Variants in SLIT3 observed in about 807,000 individuals in gnomAD.
The protein encoded by SLIT3 is slit guidance ligand 3, also known as slit homolog 3 protein.
In SLIT3, 68 loss-of-function variants were observed where a neutral mutation model predicts 184.0. That is an observed-to-expected ratio of 0.37 (90% confidence interval 0.30 to 0.45). SLIT3 has a LOEUF of 0.45. Among genes scored for constraint, SLIT3 ranks in the 20% least tolerant of loss-of-function variants. SLIT3 has a pLI of 1.00. For missense variants in SLIT3, 1,707 were observed against 2,026.0 expected, an observed-to-expected ratio of 0.84 and a Z score of 3.02; for synonymous variants, 831 against 828.6, an observed-to-expected ratio of 1.00 and a Z score of -0.05.
At chr5:168,879,160 T>C (rs1468243832) in intron 5 of SLIT3, among the ~76,000 whole-genome samples, 2 of 152,254 alleles carry the variant, frequency 1.3e-5, no homozygotes, top group Non-Finnish European at 2.9e-5. Context: ...CAACTGGTTG[T>C]CATTTTACAT....
chr5:168,806,887 G>C (rs1014012543), intron 8 of SLIT3, among the ~76,000 whole-genome samples: 11 of 152,116 alleles, frequency 7.2e-5, no homozygotes, highest in Non-Finnish European at 1.3e-4. Context: ...AAAATATGCT[G>C]CCAGAATCCA....
At chr5:168,813,273 C>T (rs183948166) in intron 8 of SLIT3, among the ~76,000 whole-genome samples, 207 of 149,024 alleles carry the variant, frequency 1.4e-3, no homozygotes, top group African/African-American at 4.4e-3. Context: ...AAGGTAAATC[C>T]TAAAATTTAA....
At chr5:169,078,630 CCTT>C (rs1439112608) in intron 4 of SLIT3, among the ~76,000 whole-genome samples, 2 of 152,170 alleles carry the variant, frequency 1.3e-5, no homozygotes, top group Non-Finnish European at 1.5e-5. Context: ...TCATCTTCAT[CCTT>C]CTAAGAAATA....
intron 1 of SLIT3, among the ~76,000 whole-genome samples, chr5:169,272,606 C>T (rs1046768722): frequency 3.3e-5 from 5 of 152,156 alleles, no homozygotes; most frequent in Non-Finnish European, 5.9e-5. Context: ...CTGATGTGAT[C>T]GTGTCTCTCA....
At chr5:168,684,749 C>T (rs766721772) in intron 31 of SLIT3, among the ~76,000 whole-genome samples, 4 of 152,032 alleles carry the variant, frequency 2.6e-5, no homozygotes, top group Non-Finnish European at 2.9e-5. Context: ...GGCTTACAGG[C>T]GTGAGCCACT....
intron 3 of SLIT3, 151 bp from the exon 4 acceptor site, chr5:169,193,701 TA>T (rs1290897161): frequency 1.4e-6 from 1 of 703,276 alleles, no homozygotes; most frequent in Non-Finnish European, 2.6e-6. Flanking sequence ...ACATGTAAGG[TA>T]TATTCCCTGT....
rs570324103 is a variant in SLIT3, at chr5:168,903,613, G to C, written c.414-20277C>G. Among the ~76,000 whole-genome samples the C allele has an allele frequency of 2.0e-5, 3 of 152,232 alleles. No homozygotes were observed. The South Asian group carries it at 6.2e-4, about 32-fold the overall frequency. ...ATGGAGTGAAGGACGGGGGCAGCAG[G>C]GTCTTCAGGAATGGTCCTTCTGCTG... On this transcript the variant is annotated intron_variant, in intron 4 of 35. Transcript: ENST00000519560.
chr5:168,868,135 G>A (rs992120229), intron 5 of SLIT3, among the ~76,000 whole-genome samples: 1 of 152,084 alleles, frequency 6.6e-6, no homozygotes, highest in Non-Finnish European at 1.5e-5. Flanking sequence ...CTCTAACCCC[G>A]CAAGCCAATA....
intron 4 of SLIT3, among the ~76,000 whole-genome samples, chr5:169,131,754 G>A (rs1235862240): frequency 6.6e-6 from 1 of 152,110 alleles, no homozygotes; most frequent in African/African-American, 2.4e-5. Flanking sequence ...TTCATAACCC[G>A]ATTCTTCCTT....
intron 16 of SLIT3, among the ~76,000 whole-genome samples, chr5:168,755,876 C>A (rs1754929386): frequency 6.6e-6 from 1 of 152,178 alleles, no homozygotes; most frequent in African/African-American, 2.4e-5. Flanking sequence ...TGCGAGTTAG[C>A]AGTTCTCCCT....
rs370904518 is a variant in SLIT3 at position 168,719,394 on chromosome 5, C to A, written c.2483+2862G>T. 6.4e-4 allele frequency among the ~76,000 whole-genome samples: 97 copies of A among 152,294 alleles called. 1 individual carries two copies. The highest frequency in any genetic ancestry group is 2.3e-3 in the African/African-American group (96 of 41,538). On this transcript the variant is annotated intron_variant, in intron 23 of 35. Transcript: ENST00000519560. ...TTGCCTTCATTTGTTATAGAAATGACTTTATATAAACACTAACTATCACAA... is the reference window on the plus strand; with the variant it reads ...TTGCCTTCATTTGTTATAGAAATGAATTTATATAAACACTAACTATCACAA...
chr5:168,760,870 C>A lies in SLIT3; in HGVS notation c.1677G>T (p.Leu559=). ...TCCTGAAGTTGACTTACATTTTCCG[C>A]AGGTTGGGCAACTTCTTGAAGATGC... ...ATGIFKKLPN[L]RKINLSNNKI... is the part of the protein sequence containing the mutation. Residue 559 remains leucine, a synonymous_variant, in exon 16 of 36, where the codon CTG becomes CTT. Transcript: ENST00000519560. The A allele has an allele frequency of 6.2e-7, 1 of 1,613,142 alleles. No homozygotes were observed. The highest frequency in any genetic ancestry group is 8.5e-7 in the Non-Finnish European group (1 of 1,179,122).
chr5:168,700,487 T>C (rs951664901), intron 27 of SLIT3, 95 bp downstream of exon 27: 40 of 892,316 alleles, frequency 4.5e-5, no homozygotes, highest in Non-Finnish European at 7.2e-5. Context: ...CCTTTAAACT[T>C]CTTTCCTTTA....
chr5:168,760,114 C>T (rs1248468732), intron 16 of SLIT3, among the ~76,000 whole-genome samples: 1 of 152,190 alleles, frequency 6.6e-6, no homozygotes, highest in Non-Finnish European at 1.5e-5. Context: ...CTGGCTTCCT[C>T]ACCTGCACAA....
At chr5:168,893,008 G>C (rs1315497629) in intron 4 of SLIT3, among the ~76,000 whole-genome samples, 1 of 152,188 alleles carries the variant, frequency 6.6e-6, no homozygotes, top group East Asian at 1.9e-4. Context: ...ACAGGCGTCT[G>C]ATTCCACAGT....
At position 168,664,515 on chromosome 5, in the gene SLIT3, TCCTTCCTTCCTTCTTC is replaced by T. The variant is rs963496774; in HGVS notation, c.*1923_*1938del. ...TCATCCCCTCCATCCCTTCCTTCTT[TCCTTCCTTCCTTCTTC>T]CAGTTGCCTCGTTTTCCTCCATCTT... On this transcript the variant is annotated 3_prime_UTR_variant, in exon 36 of 36. Coordinates refer to ENST00000519560, the MANE Select transcript of SLIT3 (RefSeq NM_003062.4). 1 of 17,254 alleles carries T rather than the reference TCCTTCCTTCCTTCTTC, an allele frequency of 5.8e-5. No homozygotes were observed. The highest frequency in any genetic ancestry group is 9.0e-5 in the Non-Finnish European group (1 of 11,084). The allele number at this position is 17,254 out of a possible 1,614,324, so 1.1% of individuals were successfully genotyped here. A position where few individuals can be genotyped will look rare whatever the true frequency, so the allele number is the denominator to read the frequency against.
chr5:169,218,632 C>T (rs1056215906), intron 3 of SLIT3, among the ~76,000 whole-genome samples: 4 of 152,226 alleles, frequency 2.6e-5, no homozygotes, highest in East Asian at 3.9e-4. Context: ...TTTAACACCC[C>T]TAAAACTCCA....
At chr5:169,179,840 T>C (rs1460245406) in intron 4 of SLIT3, among the ~76,000 whole-genome samples, 1 of 152,116 alleles carries the variant, frequency 6.6e-6, no homozygotes, top group South Asian at 2.1e-4. Flanking sequence ...AGGTTCCTTC[T>C]CTCATTTGCT....
chr5:169,294,343 T>G (rs978174222), intron 1 of SLIT3, among the ~76,000 whole-genome samples: 1 of 151,304 alleles, frequency 6.6e-6, no homozygotes, highest in African/African-American at 2.4e-5. Context: ...ATTCCTTATT[T>G]AAATATACCA....
Sources: gnomAD v4.1 joint callset for allele counts (sites outside exome capture counted in the v4.1 genomes callset) on GRCh38, gnomAD v4.1.1 for gene constraint, MANE v1.5 for transcripts, NCBI Gene and HGNC (gene_info 2026-07-23, HGNC 2026-07-21) for gene names.